CPNE2: variants seen among roughly 807,000 people sequenced by gnomAD.
CPNE2 encodes the protein copine-2.
Under a neutral mutation model 69.7 loss-of-function variants are expected in CPNE2, and 42 were observed. That is an observed-to-expected ratio of 0.60 (90% confidence interval 0.47 to 0.78). The LOEUF (loss-of-function observed/expected upper bound fraction) is 0.78, where lower values mean the gene tolerates loss of function less well. Ranked by LOEUF, CPNE2 falls within the 30% of genes least tolerant of loss-of-function variation. The probability of loss-of-function intolerance (pLI) is 0.00; values close to 1 mark genes in which losing one functional copy is unlikely to be tolerated. For synonymous variants in CPNE2, 294 were observed against 289.8 expected (o/e 1.01, Z -0.15); for missense variants, 587 against 732.0 (o/e 0.80, Z 2.29).
At chr16:57,144,610 T>C (rs1567329199) in intron 14 of CPNE2, 1 of 152,214 alleles carries the variant, frequency 6.6e-6, no homozygotes, top group East Asian at 1.9e-4. Flanking sequence ...AAACTGAGCT[T>C]CCCCTAAAGG....
At chr16:57,100,707 T>C (rs1364825958) in intron 1 of CPNE2, among the ~76,000 whole-genome samples, 2 of 152,230 alleles carry the variant, frequency 1.3e-5, no homozygotes, top group African/African-American at 4.8e-5. Context: ...GTTGTGAAGC[T>C]ATAGAATTTC....
chr16:57,123,344 G>C (rs1256210485), intron 9 of CPNE2, 70 bp from the exon 10 acceptor site: 7 of 1,523,754 alleles, frequency 4.6e-6, no homozygotes, highest in Non-Finnish European at 6.3e-6. Context: ...GCAGGACATA[G>C]AGCAACAACT....
chr16:57,136,686 G>A (rs1311244911), intron 13 of CPNE2, among the ~76,000 whole-genome samples: 4 of 152,150 alleles, frequency 2.6e-5, no homozygotes, highest in African/African-American at 9.7e-5. Context: ...GGCCAAAGTG[G>A]GCAGATAACC....
intron 13 of CPNE2, among the ~76,000 whole-genome samples, chr16:57,135,480 G>C (rs2069872367): frequency 6.6e-6 from 1 of 151,994 alleles, no homozygotes; most frequent in African/African-American, 2.4e-5. Flanking sequence ...ACCAGCCTGG[G>C]CAATAGAGGG....
chr16:57,107,268 TGTA>T (rs1172124020), intron 1 of CPNE2, among the ~76,000 whole-genome samples: 1 of 152,132 alleles, frequency 6.6e-6, no homozygotes, highest in Non-Finnish European at 1.5e-5. Flanking sequence ...GCAGGCAAAT[TGTA>T]GTGCTGTCCT....
At chr16:57,133,830 G>A (rs1370765947) in intron 12 of CPNE2, among the ~76,000 whole-genome samples, 1 of 152,188 alleles carries the variant, frequency 6.6e-6, no homozygotes, top group Non-Finnish European at 1.5e-5. Context: ...GATAACAGCT[G>A]CCCTTCCATT....
At chr16:57,137,382 G>A in intron 14 of CPNE2, 100 bp downstream of exon 14, 13 of 1,444,078 alleles carry the variant, frequency 9.0e-6, no homozygotes, top group Non-Finnish European at 1.1e-5. Context: ...AATCCTAGTG[G>A]ACACCTCTGG....
At position 57,147,829 on chromosome 16, in the gene CPNE2, T is replaced by C. The variant is rs1056379081; in HGVS notation, c.*171T>C. The stretch of plus-strand genomic sequence containing the variant: ...TCCAGCCCAGCTGGGCTTCCTTTGT[T>C]GGAGTCAACTGTTGATGCTTCCAGG... On this transcript the variant is annotated 3_prime_UTR_variant, in exon 16 of 16. Coordinates refer to ENST00000290776, the MANE Select transcript of CPNE2 (RefSeq NM_152727.6). 5 of 447,076 alleles carry C rather than the reference T, an allele frequency of 1.1e-5. No individual in the cohort carries two copies. Among genetic ancestry groups the C allele is most frequent in the Non-Finnish European group, 2.0e-5 (5 of 253,098 alleles). 27.7% of individuals were successfully genotyped at this position (447,076 alleles called of 1,614,324 possible). A position where few individuals can be genotyped will look rare whatever the true frequency, so the allele number is the denominator to read the frequency against.
chr16:57,124,907 G>A (rs752262973), intron 10 of CPNE2: 7 of 232,150 alleles, frequency 3.0e-5, no homozygotes, highest in Admixed American at 1.5e-4. Flanking sequence ...TTCATTCAGC[G>A]AACTCACACT....
intron 1 of CPNE2, among the ~76,000 whole-genome samples, chr16:57,097,921 G>A (rs928794028): frequency 6.6e-6 from 1 of 152,358 alleles, no homozygotes; most frequent in Admixed American, 6.5e-5. Context: ...GGAGGCCGGA[G>A]GGGAAGGAGC....
chr16:57,146,376 C>T lies in CPNE2; in HGVS notation c.1539+55C>T, dbSNP rs1439268712. On this transcript the variant is annotated intron_variant, in intron 15 of 15. Coordinates refer to ENST00000290776, the MANE Select transcript of CPNE2 (RefSeq NM_152727.6). The surrounding 1 kb of genome is among the most constrained non-coding windows in gnomAD (Gnocchi z 4.4). ...GGTTACAGGATCCCAGCCACCATAGCTCATAATCAAGCTTGAGAGTCTTGG... is the reference window on the plus strand; with the variant it reads ...GGTTACAGGATCCCAGCCACCATAGTTCATAATCAAGCTTGAGAGTCTTGG... The T allele has an allele frequency of 7.1e-7, 1 of 1,406,578 alleles. No individual in the cohort carries two copies. Among genetic ancestry groups the T allele is most frequent in the Non-Finnish European group, 9.7e-7 (1 of 1,031,182 alleles). 87.1% of individuals were successfully genotyped at this position (1,406,578 alleles called of 1,614,324 possible). A position where few individuals can be genotyped will look rare whatever the true frequency, so the allele number is the denominator to read the frequency against.
chr16:57,111,974 A>G (rs1449885526), intron 2 of CPNE2, among the ~76,000 whole-genome samples: 1 of 152,256 alleles, frequency 6.6e-6, no homozygotes, highest in East Asian at 1.9e-4. Flanking sequence ...CACCTGTCAT[A>G]GAGAACCACT....
chr16:57,096,487 T>C lies in CPNE2; in HGVS notation c.-36+3697T>C, dbSNP rs186446517. Reference sequence around the variant, plus strand: ...TAGTCAGACCACTTGAGCCCAGGAGTTCAAGACCAGCCTGGGCAACATGGC... The same window carrying C: ...TAGTCAGACCACTTGAGCCCAGGAGCTCAAGACCAGCCTGGGCAACATGGC... On this transcript the variant is annotated intron_variant, in intron 1 of 15. Transcript: ENST00000290776. 1.1e-3 allele frequency among the ~76,000 whole-genome samples: 174 copies of C among 151,408 alleles called. 2 individuals carry two copies. Among genetic ancestry groups the C allele is most frequent in the Middle Eastern group, 6.8e-3 (2 of 294 alleles).
At chr16:57,117,900 C>G (rs1294891587) in intron 5 of CPNE2, among the ~76,000 whole-genome samples, 1 of 152,162 alleles carries the variant, frequency 6.6e-6, no homozygotes, top group Non-Finnish European at 1.5e-5. Flanking sequence ...CACCCCTCCT[C>G]CCCGCACCTC....
chr16:57,094,810 AAAG>A (rs544561540), intron 1 of CPNE2, among the ~76,000 whole-genome samples: 291 of 152,284 alleles, frequency 1.9e-3, no homozygotes, highest in Middle Eastern at 3.4e-3. Context: ...GCCTGGGGTG[AAAG>A]AAGACCAGGA....
intron 14 of CPNE2, 23 bp downstream of exon 14, chr16:57,137,305 G>A (rs1327846965): frequency 6.2e-7 from 1 of 1,613,520 alleles, no homozygotes; most frequent in Non-Finnish European, 8.5e-7. Flanking sequence ...CTGCAAGCCA[G>A]TCATGCCAGG....
At chr16:57,121,851 C>G (rs1434209925) in intron 9 of CPNE2, 91 bp downstream of exon 9, 3 of 1,265,684 alleles carry the variant, frequency 2.4e-6, no homozygotes, top group Non-Finnish European at 3.4e-6. Flanking sequence ...GCCAGCGAGG[C>G]CTGTGTTCAA....
rs181190146 is a variant in CPNE2, at chr16:57,121,770, C to G, written c.867+10C>G. On this transcript the variant is annotated intron_variant, in intron 9 of 15. Coordinates refer to ENST00000290776, the MANE Select transcript of CPNE2 (RefSeq NM_152727.6). ...CCTGCGATCCTGCAAGGTGAACCAG[C>G]GTGGGCAAGCACGAGCCAGGGGCCA... The G allele has an allele frequency of 1.1e-5, 17 of 1,613,584 alleles. No homozygotes were observed. In the East Asian group the frequency reaches 3.6e-4, roughly 34 times the overall value.
chr16:57,121,913 C>T (rs1445174518), intron 9 of CPNE2, among the ~76,000 whole-genome samples, 153 bp downstream of exon 9: 2 of 152,344 alleles, frequency 1.3e-5, no homozygotes, highest in Non-Finnish European at 2.9e-5. Context: ...TTCACCTCAC[C>T]AGGCCTCAGT....
Sources: allele counts gnomAD v4.1 joint callset (sites outside exome capture counted in the v4.1 genomes callset), GRCh38; gene constraint gnomAD v4.1.1; non-coding constraint Gnocchi (gnomAD v3.1); transcripts MANE v1.5; gene names NCBI Gene and HGNC (gene_info 2026-07-23, HGNC 2026-07-21).